Variants in PIGL observed in about 807,000 individuals in gnomAD.
PIGL encodes phosphatidylinositol glycan anchor biosynthesis class L, also known as N-acetylglucosaminyl-phosphatidylinositol de-N-acetylase.
Under a neutral mutation model 31.1 loss-of-function variants are expected in PIGL, and 22 were observed. The ratio of observed to expected loss-of-function variants is 0.71; its 90% confidence interval spans 0.51 to 1.01. PIGL has a LOEUF of 1.01. Among genes scored for constraint, PIGL ranks in the 50% least tolerant of loss-of-function variants. The pLI is 0.00. For missense variants in PIGL, 302 were observed against 315.9 expected (o/e 0.96, Z 0.33); for synonymous variants, 131 against 117.4 (o/e 1.12, Z -0.75).
At chr17:16,228,276 T>C (rs561787275) in intron 1 of PIGL, among the ~76,000 whole-genome samples, 130 of 152,112 alleles carry the variant, frequency 8.5e-4, no homozygotes, top group Non-Finnish European at 1.6e-4. Flanking sequence ...CAGGCTTGTC[T>C]TGAACTCCTG....
In PIGL at chr17:16,306,992, C is replaced by T. The variant is rs73287461; in HGVS notation, c.427-6555C>T. 5.3e-5 allele frequency among the ~76,000 whole-genome samples: 8 copies of T among 152,230 alleles called. 1 individual carries two copies. In the East Asian group the frequency reaches 7.7e-4, roughly 15 times the overall value. Reference sequence around the variant, plus strand: ...TTTCTCTGCAGAGCACTTGATCCCACGGAAACTTGGCAGTAAGAGCTTTAA... The same window carrying T: ...TTTCTCTGCAGAGCACTTGATCCCATGGAAACTTGGCAGTAAGAGCTTTAA... On this transcript the variant is annotated intron_variant, in intron 3 of 6. Transcript: ENST00000225609.
In PIGL at chr17:16,263,215, C is replaced by T. The variant is rs374700989; in HGVS notation, c.335+29145C>T. Among the ~76,000 whole-genome samples the T allele has an allele frequency of 4.6e-5, 7 of 152,148 alleles. No homozygotes were observed. The East Asian group carries it at 1.2e-3, about 25-fold the overall frequency. ...CTTTTATTTCATTGAGATAGGATCTCGCTCCCAGGCTGGAGTGCAGTGGCT... is the reference window on the plus strand; with the variant it reads ...CTTTTATTTCATTGAGATAGGATCTTGCTCCCAGGCTGGAGTGCAGTGGCT... On this transcript the variant is annotated intron_variant, in intron 2 of 6. Coordinates refer to ENST00000225609, the MANE Select transcript of PIGL (RefSeq NM_004278.4).
At chr17:16,318,704 G>T (rs972369946) in intron 6 of PIGL, among the ~76,000 whole-genome samples, 1 of 151,478 alleles carries the variant, frequency 6.6e-6, no homozygotes, top group Non-Finnish European at 1.5e-5. Context: ...AGGCTGAGGC[G>T]GGCAGATCAC....
chr17:16,228,301 A>G (rs1600744601), intron 1 of PIGL, among the ~76,000 whole-genome samples: 1 of 151,522 alleles, frequency 6.6e-6, no homozygotes, highest in South Asian at 2.1e-4. Flanking sequence ...GAGGTGATCC[A>G]CCTTCCTCGG....
At position 16,262,996 on chromosome 17, in the gene PIGL, A is replaced by G. The variant is rs528709907; in HGVS notation, c.335+28926A>G. Among the ~76,000 whole-genome samples the G allele has an allele frequency of 8.5e-5, 13 of 152,092 alleles. No individual in the cohort carries two copies. In the South Asian group the frequency reaches 2.1e-3, roughly 24 times the overall value. ...CTACATAGGATTCCATTTATATTAA[A>G]TGCCCAGAAGAAGCAAATCCATAGA... On this transcript the variant is annotated intron_variant, in intron 2 of 6. Transcript: ENST00000225609.
chr17:16,220,123 G>A (rs1035670857), intron 1 of PIGL, among the ~76,000 whole-genome samples: 1 of 152,048 alleles, frequency 6.6e-6, no homozygotes, highest in Admixed American at 6.6e-5. Flanking sequence ...GCCGAGGCGG[G>A]CAGATCATGA....
At chr17:16,218,193 A>G (rs2092605443) in intron 1 of PIGL, 5 of 152,238 alleles carry the variant, frequency 3.3e-5, no homozygotes, top group Admixed American at 3.3e-4. Flanking sequence ...ATACCTCAAT[A>G]AAGCTATTTT....
intron 3 of PIGL, among the ~76,000 whole-genome samples, chr17:16,302,110 C>G (rs1257098900): frequency 6.6e-6 from 1 of 152,152 alleles, no homozygotes; most frequent in East Asian, 1.9e-4. Flanking sequence ...CTAATTTGCT[C>G]ACCCTGAGTC....
At chr17:16,315,708 CTTTTTTTTTTTT>C (rs1157169209) in intron 4 of PIGL, among the ~76,000 whole-genome samples, 1 of 59,008 alleles carries the variant, frequency 1.7e-5, no homozygotes, top group Non-Finnish European at 2.8e-5. Flanking sequence ...TTCTTTCTTT[CTTTTTTTTTTTT>C]TTTTTTTTTT....
At chr17:16,243,351 G>A (rs2092731065) in intron 2 of PIGL, among the ~76,000 whole-genome samples, 2 of 152,272 alleles carry the variant, frequency 1.3e-5, no homozygotes, top group South Asian at 4.1e-4. Context: ...TTTCTGGCCT[G>A]CTGATTATTC....
intron 2 of PIGL, among the ~76,000 whole-genome samples, chr17:16,261,441 A>T (rs1435601374): frequency 6.6e-6 from 1 of 152,222 alleles, no homozygotes; most frequent in East Asian, 1.9e-4. Context: ...AAAATTAAAA[A>T]CTTTTATGCA....
chr17:16,284,886 T>C (rs530446232), intron 2 of PIGL, among the ~76,000 whole-genome samples: 1 of 152,328 alleles, frequency 6.6e-6, no homozygotes, highest in East Asian at 1.9e-4. Context: ...TTACTCTTTC[T>C]CTATTGCAAT....
chr17:16,242,592 A>G (rs1221891782), intron 2 of PIGL, among the ~76,000 whole-genome samples: 1 of 150,778 alleles, frequency 6.6e-6, no homozygotes, highest in Non-Finnish European at 1.5e-5. Context: ...ATCTGCAAAT[A>G]ATGCTAATAC....
chr17:16,311,799 C>G (rs919801255), intron 3 of PIGL, among the ~76,000 whole-genome samples: 16 of 152,112 alleles, frequency 1.1e-4, no homozygotes, highest in African/African-American at 2.9e-4. Flanking sequence ...TCAACAGCAT[C>G]GCAAGGCAGA....
At chr17:16,324,328 A>G (rs754310075) in intron 6 of PIGL, 3 of 149,110 alleles carry the variant, frequency 2.0e-5, no homozygotes, top group Non-Finnish European at 3.0e-5. Flanking sequence ...CTTCTATTTT[A>G]TATTTATTTA....
At chr17:16,282,488 C>T (rs2092920592) in intron 2 of PIGL, among the ~76,000 whole-genome samples, 2 of 152,046 alleles carry the variant, frequency 1.3e-5, no homozygotes, top group Non-Finnish European at 2.9e-5. Context: ...CATACCCAAA[C>T]ACCTTGACAA....
At chr17:16,253,525 A>C (rs1360276120) in intron 2 of PIGL, among the ~76,000 whole-genome samples, 1 of 152,220 alleles carries the variant, frequency 6.6e-6, no homozygotes, top group Non-Finnish European at 1.5e-5. Context: ...CTTTTTTAAA[A>C]GATTTTTTAA....
At chr17:16,316,904 A>C in intron 5 of PIGL, 192 bp downstream of exon 5, 2 of 1,372,682 alleles carry the variant, frequency 1.5e-6, no homozygotes, top group Non-Finnish European at 1.9e-6. Flanking sequence ...GCCTGCCTGC[A>C]GGGCCACCTC....
intron 1 of PIGL, among the ~76,000 whole-genome samples, chr17:16,219,974 A>G (rs931608818): frequency 6.6e-6 from 1 of 152,210 alleles, no homozygotes; most frequent in African/African-American, 2.4e-5. Flanking sequence ...GCAAAACATT[A>G]TAGGTATAGC....
Sources: allele counts gnomAD v4.1 joint callset (sites outside exome capture counted in the v4.1 genomes callset), GRCh38; gene constraint gnomAD v4.1.1; transcripts MANE v1.5; gene names NCBI Gene and HGNC (gene_info 2026-07-23, HGNC 2026-07-21).